MAP3K2: variants seen among roughly 807,000 people sequenced by gnomAD.
The protein encoded by MAP3K2 is mitogen-activated protein kinase kinase kinase 2, also known as MAP/ERK kinase kinase 2.
MAP3K2 carries 24 observed loss-of-function variants against 80.3 expected under a neutral mutation model. The ratio of observed to expected loss-of-function variants is 0.30; its 90% CI spans 0.22 to 0.42. The LOEUF is 0.42. Ranked by LOEUF, MAP3K2 falls within the 10% of genes least tolerant of loss-of-function variation. MAP3K2 has a pLI of 1.00. For synonymous variants in MAP3K2, 244 were observed against 253.7 expected (o/e 0.96, Z 0.36); for missense variants, 608 against 750.1 (o/e 0.81, Z 2.21).
intron 1 of MAP3K2, among the ~76,000 whole-genome samples, chr2:127,382,805 C>T (rs1350815224): frequency 6.6e-6 from 1 of 152,246 alleles, no homozygotes. Context: ...GGATTACAGG[C>T]ATGAGCCACT....
chr2:127,325,637 G>A (rs1453752325), intron 9 of MAP3K2, 91 bp downstream of exon 9: 3 of 953,460 alleles, frequency 3.1e-6, no homozygotes, highest in Non-Finnish European at 3.3e-6. Flanking sequence ...GCAGTAAGCC[G>A]CATTCACGCC....
chr2:127,332,475 G>T (rs1258013296), intron 5 of MAP3K2, among the ~76,000 whole-genome samples: 1 of 152,190 alleles, frequency 6.6e-6, no homozygotes, highest in African/African-American at 2.4e-5. Flanking sequence ...CATCCTGGAG[G>T]GGTGCCTGGT....
chr2:127,362,376 A>G (rs1686906949), intron 1 of MAP3K2, among the ~76,000 whole-genome samples: 1 of 152,262 alleles, frequency 6.6e-6, no homozygotes, highest in South Asian at 2.1e-4. Flanking sequence ...GGCATATAGT[A>G]GTAATTATGC....
intron 1 of MAP3K2, among the ~76,000 whole-genome samples, chr2:127,374,549 C>T (rs927946601): frequency 5.9e-5 from 9 of 152,218 alleles, no homozygotes; most frequent in Non-Finnish European, 1.5e-5. Flanking sequence ...ACAGGCACAT[C>T]CCCTCCTTCA....
chr2:127,379,966 G>T (rs1380132606), intron 1 of MAP3K2, among the ~76,000 whole-genome samples: 1 of 152,108 alleles, frequency 6.6e-6, no homozygotes, highest in African/African-American at 2.4e-5. Flanking sequence ...AAGCAGTACT[G>T]AAATCAGTGC....
chr2:127,338,686 G>A (rs538151731), intron 3 of MAP3K2, among the ~76,000 whole-genome samples: 7 of 152,152 alleles, frequency 4.6e-5, no homozygotes, highest in Non-Finnish European at 7.3e-5. Context: ...TGGCTGCACA[G>A]AATTCCATGG....
chr2:127,320,644 C>T (rs1459729192), intron 12 of MAP3K2, among the ~76,000 whole-genome samples: 2 of 152,160 alleles, frequency 1.3e-5, no homozygotes, highest in African/African-American at 2.4e-5. Flanking sequence ...GGGAACCCTA[C>T]ACAAATATAC....
chr2:127,388,209 G>A, upstream of MAP3K2: 1 of 984,506 alleles, frequency 1.0e-6, no homozygotes, highest in Non-Finnish European at 1.2e-6. Flanking sequence ...CCTGCCCCGG[G>A]GCAGCCTGTG....
chr2:127,318,045 C>A (rs1489395932), intron 13 of MAP3K2, 124 bp downstream of exon 13: 13 of 749,068 alleles, frequency 1.7e-5, no homozygotes, highest in African/African-American at 1.3e-4. Flanking sequence ...CTAAAGAAAA[C>A]TGCTTTTTTT....
At chr2:127,348,478 T>A (rs1188523213) in intron 1 of MAP3K2, among the ~76,000 whole-genome samples, 1 of 152,124 alleles carries the variant, frequency 6.6e-6, no homozygotes. Context: ...TTATGCTAAG[T>A]GGAATAAGCC....
intron 5 of MAP3K2, among the ~76,000 whole-genome samples, chr2:127,333,357 T>C (rs1219883178): frequency 6.6e-6 from 1 of 152,020 alleles, no homozygotes; most frequent in Non-Finnish European, 1.5e-5. Context: ...TCAGCTTATA[T>C]TTCCAGCTTA....
At chr2:127,387,250 G>A (rs931492554) in intron 1 of MAP3K2, among the ~76,000 whole-genome samples, 1 of 152,036 alleles carries the variant, frequency 6.6e-6, no homozygotes, top group Non-Finnish European at 1.5e-5. Context: ...GCGCTGACCT[G>A]GGCTTTAGGA....
In MAP3K2 at chr2:127,300,297, A is replaced by C. The variant is rs754350369; in HGVS notation, c.*7282T>G. 5.9e-5 allele frequency: 9 copies of C among 152,182 alleles called. No homozygotes were observed. Among genetic ancestry groups the C allele is most frequent in the Non-Finnish European group, 1.0e-4 (7 of 67,996 alleles). 9.4% of individuals were successfully genotyped at this position (152,182 alleles called of 1,614,324 possible). Reference sequence around the variant, plus strand: ...ATTAAACATTTCCAAAAATGTGCAAAAATGTCAATCTTAATAGGAAAAAAA... The same window carrying C: ...ATTAAACATTTCCAAAAATGTGCAACAATGTCAATCTTAATAGGAAAAAAA... On this transcript the variant is annotated 3_prime_UTR_variant, in exon 17 of 17. Transcript: ENST00000682094.
At chr2:127,331,603 T>C (rs80003931) in intron 5 of MAP3K2, among the ~76,000 whole-genome samples, 5,580 of 152,272 alleles carry the variant, frequency 0.037, 139 homozygotes, top group South Asian at 0.073. Context: ...GTGAAAAAAG[T>C]CCTTGGGGTT....
chr2:127,372,550 C>A (rs562100562), intron 1 of MAP3K2, among the ~76,000 whole-genome samples: 2 of 152,292 alleles, frequency 1.3e-5, no homozygotes, highest in East Asian at 3.9e-4. Flanking sequence ...CCAAGCAGAG[C>A]ACGTGCCCCC....
intron 4 of MAP3K2, among the ~76,000 whole-genome samples, chr2:127,337,138 T>A (rs923477833): frequency 8.6e-5 from 13 of 151,236 alleles, no homozygotes; most frequent in Admixed American, 6.6e-5. Flanking sequence ...TAAGACTCCA[T>A]CTCAAAAAAA....
At chr2:127,368,900 T>C (rs955697616) in intron 1 of MAP3K2, among the ~76,000 whole-genome samples, 2 of 151,844 alleles carry the variant, frequency 1.3e-5, no homozygotes, top group African/African-American at 2.4e-5. Context: ...CATTTGCCAC[T>C]GCACCCAGCT....
At position 127,322,076 on chromosome 2, in the gene MAP3K2, T is replaced by A; in HGVS notation, c.1015A>T (p.Thr339Ser). ...RGSDIDNPTL[T>S]VMDISPPSRS... ...CTGGGTGGGCTGATGTCCATTACGG[T>A]CAAAGTAGGATTGTCTATGTCACTT... The change falls in exon 12 of 17, where the codon ACC becomes TCC. Residue 339 changes from threonine to serine, a missense_variant. Physicochemically the swap from Thr to Ser is moderately conservative, Grantham distance 58. Around this residue, in one of 4 missense-constraint regions of MAP3K2, gnomAD observed 467 missense variants for 521.9 expected, o/e 0.89. Transcript: ENST00000682094. This position sits in a 1 kb window ranked among gnomAD's most constrained non-coding sequence, Gnocchi z 4.2. The A allele has an allele frequency of 1.2e-6, 2 of 1,613,578 alleles. No individual in the cohort carries two copies. The highest frequency in any genetic ancestry group is 1.7e-6 in the Non-Finnish European group (2 of 1,179,744).
chr2:127,336,678 T>C (rs1258146275), intron 4 of MAP3K2, among the ~76,000 whole-genome samples: 2 of 152,202 alleles, frequency 1.3e-5, no homozygotes, highest in African/African-American at 4.8e-5. Context: ...CAAAAAAGAA[T>C]CTTAAATAGG....
Sources: gnomAD v4.1 joint callset for allele counts (sites outside exome capture counted in the v4.1 genomes callset) on GRCh38, gnomAD v4.1.1 for gene constraint, gnomAD v4.1.1 regional missense constraint, Gnocchi (gnomAD v3.1) non-coding constraint, MANE v1.5 for transcripts, NCBI Gene and HGNC (gene_info 2026-07-23, HGNC 2026-07-21) for gene names.